The following PIK3C2G variants were observed in gnomAD, a reference collection of about 807,000 sequenced individuals.
PIK3C2G encodes the protein phosphatidylinositol 3-kinase C2 domain-containing subunit gamma.
Under a neutral mutation model 181.1 loss-of-function variants are expected in PIK3C2G, and 168 were observed. That is an observed-to-expected ratio of 0.93 (90% CI 0.82 to 1.05). The LOEUF is 1.05. PIK3C2G is among the 50% of genes least tolerant of loss of function. The pLI is 0.00. For synonymous variants in PIK3C2G, 573 were observed against 592.2 expected (o/e 0.97, Z 0.47); for missense variants, 1,869 against 1,732.8 (o/e 1.08, Z -1.40).
chr12:18,346,925 C>T, intron 11 of PIK3C2G, 89 bp downstream of exon 11: 2 of 725,376 alleles, frequency 2.8e-6, no homozygotes, highest in Non-Finnish European at 4.1e-6. Flanking sequence ...TATGCAGGAG[C>T]AAAGATTTCA....
the PIK3C2G span, among the ~76,000 whole-genome samples, chr12:18,680,521 A>C: frequency 8.6e-5 from 13 of 152,030 alleles, no homozygotes; most frequent in Non-Finnish European, 1.5e-5. Flanking sequence ...AAAAGTCCAG[A>C]TAAGTCTGGG....
At chr12:18,623,368 G>C (rs184811006) in intron 31 of PIK3C2G, among the ~76,000 whole-genome samples, 1 of 151,676 alleles carries the variant, frequency 6.6e-6, no homozygotes, top group Non-Finnish European at 1.5e-5. Flanking sequence ...GGGGTTCTTG[G>C]GCTCTCTAAT....
At chr12:18,618,476 T>C (rs1490633421) in intron 31 of PIK3C2G, among the ~76,000 whole-genome samples, 1 of 152,188 alleles carries the variant, frequency 6.6e-6, no homozygotes, top group Non-Finnish European at 1.5e-5. Flanking sequence ...TATAACTAGA[T>C]TGATTGCCTA....
At chr12:18,583,513 C>T (rs1946610856) in intron 29 of PIK3C2G, among the ~76,000 whole-genome samples, 1 of 152,126 alleles carries the variant, frequency 6.6e-6, no homozygotes, top group South Asian at 2.1e-4. Context: ...GTTGCCACCT[C>T]TGCTGTTTTG....
Position 18,315,496 on chromosome 12 carries a change from C to T in PIK3C2G, c.1137+1432C>T, listed in dbSNP as rs192033354. 2.8e-4 allele frequency among the ~76,000 whole-genome samples: 43 copies of T among 152,194 alleles called. No individual in the cohort carries two copies. The East Asian group carries it at 5.2e-3, about 18-fold the overall frequency. ...GGATGCTGCTAAAATAATAACTTAT[C>T]GGTAGTAATTAACAAATCACTAACA... On this transcript the variant is annotated intron_variant, in intron 6 of 32. Coordinates refer to ENST00000538779, the MANE Select transcript of PIK3C2G (RefSeq NM_001288772.2).
chr12:18,485,808 A>G (rs576109894), intron 18 of PIK3C2G, among the ~76,000 whole-genome samples: 1 of 152,272 alleles, frequency 6.6e-6, no homozygotes, highest in African/African-American at 2.4e-5. Flanking sequence ...GCCATAAGCA[A>G]TATTGCCTCT....
chr12:18,677,625 A>C, the PIK3C2G span, among the ~76,000 whole-genome samples: 1 of 152,116 alleles, frequency 6.6e-6, no homozygotes, highest in East Asian at 1.9e-4. Flanking sequence ...ATTTTCAAAA[A>C]TCACAAAGCT....
intron 12 of PIK3C2G, among the ~76,000 whole-genome samples, chr12:18,364,141 G>A (rs1024401143): frequency 4.6e-5 from 7 of 152,164 alleles, no homozygotes; most frequent in South Asian, 2.1e-4. Flanking sequence ...CCCATTCCCC[G>A]TTCTTGCTAT....
At chr12:18,553,523 G>T (rs1416959953) in intron 26 of PIK3C2G, among the ~76,000 whole-genome samples, 1 of 152,074 alleles carries the variant, frequency 6.6e-6, no homozygotes, top group Non-Finnish European at 1.5e-5. Flanking sequence ...ATGCAGTTTG[G>T]TGCCTGTGAT....
intron 29 of PIK3C2G, among the ~76,000 whole-genome samples, chr12:18,579,022 C>T (rs1946364822): frequency 6.6e-6 from 1 of 151,866 alleles, no homozygotes; most frequent in South Asian, 2.1e-4. Flanking sequence ...AAAACACACC[C>T]CAATTTTAGT....
chr12:18,288,505 T>C (rs867261661), intron 3 of PIK3C2G, among the ~76,000 whole-genome samples: 2 of 152,076 alleles, frequency 1.3e-5, no homozygotes, highest in South Asian at 2.1e-4. Flanking sequence ...TTCACGAAAA[T>C]GTTCAATCTT....
At chr12:18,558,103 T>A (rs75117281) in intron 26 of PIK3C2G, among the ~76,000 whole-genome samples, 1,873 of 152,220 alleles carry the variant, frequency 0.012, 17 homozygotes, top group African/African-American at 0.03. Flanking sequence ...GATTTCAAGA[T>A]GTACTATAAA....
the PIK3C2G span, chr12:18,695,096 T>A: frequency 6.2e-7 from 1 of 1,608,082 alleles, no homozygotes; most frequent in East Asian, 2.2e-5. Context: ...GAAAGAAGTA[T>A]TTTGACATTG....
chr12:18,641,067 T>C (rs1949816011), intron 32 of PIK3C2G, among the ~76,000 whole-genome samples: 1 of 152,240 alleles, frequency 6.6e-6, no homozygotes, highest in African/African-American at 2.4e-5. Context: ...ATTTATTCTC[T>C]TGATTCCATC....
chr12:18,552,000 T>G (rs1209941430), intron 26 of PIK3C2G, among the ~76,000 whole-genome samples: 3 of 152,232 alleles, frequency 2.0e-5, no homozygotes, highest in Non-Finnish European at 4.4e-5. Flanking sequence ...TAGGCCACCC[T>G]TTCACAGAAA....
the PIK3C2G span, among the ~76,000 whole-genome samples, chr12:18,694,472 G>A: frequency 6.6e-6 from 1 of 152,066 alleles, no homozygotes; most frequent in Admixed American, 6.6e-5. Context: ...GACATATGGG[G>A]GGAAGAATCC....
chr12:18,633,305 A>G (rs1490529757), intron 31 of PIK3C2G, among the ~76,000 whole-genome samples: 1 of 152,258 alleles, frequency 6.6e-6, no homozygotes, highest in Non-Finnish European at 1.5e-5. Flanking sequence ...TAAAAGAGGA[A>G]AGAAAACAAA....
intron 11 of PIK3C2G, among the ~76,000 whole-genome samples, chr12:18,347,980 TTC>T (rs1939840264): frequency 6.6e-6 from 1 of 152,076 alleles, no homozygotes; most frequent in Non-Finnish European, 1.5e-5. Flanking sequence ...AATATTTTTA[TTC>T]TTTTTCCTTT....
At chr12:18,489,976 T>C (rs1395265363) in intron 19 of PIK3C2G, among the ~76,000 whole-genome samples, 1 of 152,060 alleles carries the variant, frequency 6.6e-6, no homozygotes, top group Non-Finnish European at 1.5e-5. Flanking sequence ...CATAGGAAAA[T>C]AGGAAGAGGA....
Sources: allele counts gnomAD v4.1 joint callset (sites outside exome capture counted in the v4.1 genomes callset), GRCh38; gene constraint gnomAD v4.1.1; transcripts MANE v1.5; gene names NCBI Gene and HGNC (gene_info 2026-07-23, HGNC 2026-07-21).